ZIM2: variants seen among roughly 807,000 people sequenced by gnomAD.
The protein encoded by ZIM2 is zinc finger protein 656.
A neutral mutation model predicts 38.6 loss-of-function variants in ZIM2; 14 were observed. That is an observed-to-expected ratio of 0.36 (90% CI 0.24 to 0.57). ZIM2 has a LOEUF of 0.57. Ranked by LOEUF, ZIM2 falls within the 20% of genes least tolerant of loss-of-function variation. ZIM2 has a pLI of 0.81. For missense variants in ZIM2, 680 were observed against 695.1 expected (o/e 0.98, Z 0.24); for synonymous variants, 247 against 245.8 (o/e 1.00, Z -0.04).
At position 56,814,453 on chromosome 19, in the gene ZIM2, G is replaced by A. The variant is rs1221224804; in HGVS notation, c.490+3293C>T. Reference sequence around the variant, plus strand: ...ACCACAATCCTTGCATTCATAGAATGGTATAGCTCCTTTGAGGGGCTCAGT... The same window carrying A: ...ACCACAATCCTTGCATTCATAGAATAGTATAGCTCCTTTGAGGGGCTCAGT... On this transcript the variant is annotated intron_variant, in intron 9 of 12. Transcript: ENST00000629319. This position sits in a 1 kb window ranked among gnomAD's most constrained non-coding sequence, Gnocchi z 5.8. The A allele has an allele frequency of 6.2e-7, 1 of 1,613,564 alleles. No individual in the cohort carries two copies. Among genetic ancestry groups the A allele is most frequent in the Non-Finnish European group, 8.5e-7 (1 of 1,179,602 alleles).
chr19:56,835,942 G>C (rs2062055651), intron 2 of ZIM2, 76 bp downstream of exon 2: 2 of 466,210 alleles, frequency 4.3e-6, no homozygotes, highest in South Asian at 3.1e-5. Context: ...TATGCAGTAG[G>C]AAAGTGTCAG....
Position 56,813,314 on chromosome 19 carries a change from A to G in ZIM2, c.490+4432T>C, listed in dbSNP as rs2059668935. ...GATCACTGTTCTGTCATAATTTGCT[A>G]TTTTATATACACCTCATGAAACACT... On this transcript the variant is annotated intron_variant, in intron 9 of 12. Coordinates refer to ENST00000629319, the MANE Select transcript of ZIM2 (RefSeq NM_001387356.1). 5 of 972,994 alleles carry G rather than the reference A, an allele frequency of 5.1e-6. No individual in the cohort carries two copies. The South Asian group carries it at 1.8e-4, about 35-fold the overall frequency. The allele number at this position is 972,994 out of a possible 1,614,324, so 60.3% of individuals were successfully genotyped here.
chr19:56,825,951 C>T (rs1421243781), intron 3 of ZIM2, among the ~76,000 whole-genome samples: 1 of 152,136 alleles, frequency 6.6e-6, no homozygotes, highest in Non-Finnish European at 1.5e-5. Flanking sequence ...CTCCCACTTC[C>T]CTCCCTATGC....
chr19:56,833,420 T>G (rs2061768418), intron 2 of ZIM2: 1 of 337,202 alleles, frequency 3.0e-6, no homozygotes. Context: ...CCTGCCTCTC[T>G]CTGCAGACCG....
intron 9 of ZIM2, chr19:56,813,910 G>A (rs1216979385): frequency 3.7e-6 from 6 of 1,614,060 alleles, no homozygotes; most frequent in Non-Finnish European, 5.1e-6. Flanking sequence ...GAAGGTTTCT[G>A]TGCATTCATG....
At chr19:56,794,619 ACTT>A (rs567552808) in intron 9 of ZIM2, among the ~76,000 whole-genome samples, 40 of 152,244 alleles carry the variant, frequency 2.6e-4, no homozygotes, top group African/African-American at 6.0e-4. Context: ...ACGGCTACCA[ACTT>A]CTTCTTCCAA....
intron 9 of ZIM2, among the ~76,000 whole-genome samples, chr19:56,805,653 C>T (rs2047723764): frequency 6.6e-6 from 1 of 152,134 alleles, no homozygotes. Context: ...CACAGAATCA[C>T]TTATGTGGTA....
intron 1 of ZIM2, among the ~76,000 whole-genome samples, chr19:56,836,425 C>T (rs868678597): frequency 1.3e-5 from 2 of 152,072 alleles, no homozygotes; most frequent in Non-Finnish European, 2.9e-5. Context: ...TGGCGCTGGC[C>T]GTCCCCATGT....
intron 2 of ZIM2, among the ~76,000 whole-genome samples, chr19:56,827,752 A>G (rs2061189862): frequency 6.6e-6 from 1 of 152,224 alleles, no homozygotes; most frequent in South Asian, 2.1e-4. Flanking sequence ...AACCCTTTAA[A>G]ATAAGGCAAC....
At chr19:56,780,236 TTC>T (rs1217225878) in intron 11 of ZIM2, among the ~76,000 whole-genome samples, 3 of 137,252 alleles carry the variant, frequency 2.2e-5, no homozygotes, top group Non-Finnish European at 3.0e-5. Context: ...TATGCTTATT[TTC>T]TTTTTTCTTT....
intron 2 of ZIM2, chr19:56,833,285 C>T (rs888500172): frequency 4.6e-6 from 2 of 430,922 alleles, no homozygotes; most frequent in Non-Finnish European, 9.2e-6. Flanking sequence ...ACTCGTTCTA[C>T]CTACCTCATT....
intron 2 of ZIM2, among the ~76,000 whole-genome samples, chr19:56,827,376 C>T (rs1236878969): frequency 6.6e-6 from 1 of 151,812 alleles, no homozygotes; most frequent in Non-Finnish European, 1.5e-5. Flanking sequence ...TCAATAGAAG[C>T]CATTGAAAAA....
intron 9 of ZIM2, 120 bp downstream of exon 9, chr19:56,817,626 G>A: frequency 6.5e-7 from 1 of 1,534,770 alleles, no homozygotes; most frequent in Non-Finnish European, 8.9e-7. Flanking sequence ...CCCATAAGAA[G>A]GACAGTGGGA....
chr19:56,792,043 AG>A (rs2046959139), intron 9 of ZIM2, among the ~76,000 whole-genome samples: 1 of 99,580 alleles, frequency 1.0e-5, no homozygotes, highest in Non-Finnish European at 2.3e-5. Flanking sequence ...TTTTTTTTGT[AG>A]TGTGTCTGTC....
At chr19:56,807,490 T>A (rs1568591496) in intron 9 of ZIM2, among the ~76,000 whole-genome samples, 1 of 152,122 alleles carries the variant, frequency 6.6e-6, no homozygotes, top group Non-Finnish European at 1.5e-5. Context: ...GTCATCAATA[T>A]CTCTGACAGG....
At chr19:56,788,431 CCTGAGTT>C (rs1440445142) in intron 10 of ZIM2, among the ~76,000 whole-genome samples, 1 of 152,100 alleles carries the variant, frequency 6.6e-6, no homozygotes, top group Non-Finnish European at 1.5e-5. Context: ...GTTTCTTAAT[CCTGAGTT>C]CTAAATTCTT....
intron 9 of ZIM2, among the ~76,000 whole-genome samples, chr19:56,808,190 A>G (rs933389520): frequency 6.6e-6 from 1 of 152,182 alleles, no homozygotes; most frequent in Admixed American, 6.5e-5. Flanking sequence ...TGGGGTCAGG[A>G]TAGTCCACCA....
chr19:56,818,039 C>T (rs1184166238), intron 8 of ZIM2, among the ~76,000 whole-genome samples: 2 of 152,226 alleles, frequency 1.3e-5, no homozygotes, highest in Non-Finnish European at 2.9e-5. Context: ...ATTCTTCTGA[C>T]TCCACTCAGA....
At chr19:56,831,894 C>T (rs887486288) in intron 2 of ZIM2, among the ~76,000 whole-genome samples, 24 of 152,110 alleles carry the variant, frequency 1.6e-4, no homozygotes, top group African/African-American at 5.8e-4. Flanking sequence ...TGAGAATGTC[C>T]ACACAATGGA....
Sources: gnomAD v4.1 joint callset for allele counts (sites outside exome capture counted in the v4.1 genomes callset) on GRCh38, gnomAD v4.1.1 for gene constraint, Gnocchi (gnomAD v3.1) non-coding constraint, MANE v1.5 for transcripts, NCBI Gene and HGNC (gene_info 2026-07-23, HGNC 2026-07-21) for gene names.